The following MAD1L1 variants were observed in gnomAD, a reference collection of about 807,000 sequenced individuals.
The protein encoded by MAD1L1 is mitotic arrest deficient 1 like 1, also known as mitotic spindle assembly checkpoint protein MAD1.
MAD1L1 carries 95 observed loss-of-function variants against 96.9 expected under a neutral mutation model. The observed-to-expected ratio is 0.98, with a 90% CI of 0.83 to 1.16. The LOEUF (loss-of-function observed/expected upper bound fraction) is 1.16. Ranked by LOEUF, MAD1L1 falls within the 50% of genes most tolerant of loss-of-function variation. The pLI, the probability that MAD1L1 is intolerant of heterozygous loss-of-function variation, is 0.00. For synonymous variants in MAD1L1, 473 were observed against 396.6 expected, an observed-to-expected ratio of 1.19 and a Z score of -2.29; for missense variants, 1,007 against 954.4, an observed-to-expected ratio of 1.06 and a Z score of -0.73.
chr7:2,154,804 G>T (rs1789743973), intron 10 of MAD1L1, among the ~76,000 whole-genome samples: 1 of 152,130 alleles, frequency 6.6e-6, no homozygotes, highest in Non-Finnish European at 1.5e-5. Flanking sequence ...AGGCCACAAA[G>T]GAGGTCCCAT....
At chr7:2,182,490 G>GA (rs574735992) in intron 10 of MAD1L1, among the ~76,000 whole-genome samples, 7 of 150,280 alleles carry the variant, frequency 4.7e-5, no homozygotes, top group South Asian at 2.1e-4. Context: ...CAAGAGAAGT[G>GA]AAAAAAAAAG....
intron 18 of MAD1L1, among the ~76,000 whole-genome samples, chr7:1,894,671 C>G (rs374267668): frequency 1.5e-4 from 23 of 152,194 alleles, no homozygotes; most frequent in African/African-American, 4.8e-4. Flanking sequence ...CCAGATGGGG[C>G]GCAGGAAGGT....
At chr7:2,092,138 C>A (rs1339603571) in intron 11 of MAD1L1, among the ~76,000 whole-genome samples, 1 of 152,240 alleles carries the variant, frequency 6.6e-6, no homozygotes, top group Admixed American at 6.5e-5. Context: ...TCCACGTCTC[C>A]ACCAGCATTT....
At chr7:1,906,691 C>T (rs575162892) in intron 17 of MAD1L1, among the ~76,000 whole-genome samples, 4 of 152,226 alleles carry the variant, frequency 2.6e-5, no homozygotes, top group East Asian at 1.9e-4. Flanking sequence ...CAGGCCTGTG[C>T]GCACTGTCAC....
chr7:1,988,212 A>G (rs1166391950), intron 14 of MAD1L1, among the ~76,000 whole-genome samples: 3 of 152,310 alleles, frequency 2.0e-5, no homozygotes, highest in South Asian at 4.1e-4. Context: ...GCTTCCTGAC[A>G]TGGCGGAGGG....
chr7:1,837,983 G>A (rs776343713), intron 18 of MAD1L1, among the ~76,000 whole-genome samples: 28 of 152,226 alleles, frequency 1.8e-4, no homozygotes, highest in South Asian at 6.2e-4. Flanking sequence ...GGTGAAACAC[G>A]GCAGCGTGCT....
chr7:1,939,141 C>A (rs1386917491), intron 16 of MAD1L1, among the ~76,000 whole-genome samples: 2 of 135,704 alleles, frequency 1.5e-5, no homozygotes, highest in Non-Finnish European at 3.1e-5. Flanking sequence ...CGGGCCAGGG[C>A]CGGGACCAGA....
intron 17 of MAD1L1, among the ~76,000 whole-genome samples, chr7:1,910,273 G>A (rs140459156): frequency 6.6e-6 from 1 of 152,154 alleles, no homozygotes. Context: ...ATTGGCCCCC[G>A]TGTCAGTGAT....
chr7:1,826,331 A>T (rs1252505468), intron 18 of MAD1L1, among the ~76,000 whole-genome samples: 3 of 151,904 alleles, frequency 2.0e-5, no homozygotes, highest in Admixed American at 6.6e-5. Context: ...CTGGTGTATT[A>T]CCTCGGCCGA....
intron 17 of MAD1L1, among the ~76,000 whole-genome samples, chr7:1,918,837 G>C (rs563661495): frequency 6.6e-6 from 1 of 152,104 alleles, no homozygotes; most frequent in Non-Finnish European, 1.5e-5. Context: ...GCCCCAGGGC[G>C]ACTGGTGCTG....
intron 12 of MAD1L1, among the ~76,000 whole-genome samples, chr7:2,056,147 T>C (rs1020147361): frequency 6.6e-6 from 1 of 152,206 alleles, no homozygotes; most frequent in Non-Finnish European, 1.5e-5. Context: ...ATGATGACTG[T>C]CTGACACAAA....
At chr7:2,034,007 G>T (rs936527400) in intron 12 of MAD1L1, among the ~76,000 whole-genome samples, 3 of 152,178 alleles carry the variant, frequency 2.0e-5, no homozygotes, top group African/African-American at 7.2e-5. Flanking sequence ...CAGGCAGGAG[G>T]ATATATTGAG....
At chr7:2,135,503 C>A (rs1319901709) in intron 11 of MAD1L1, among the ~76,000 whole-genome samples, 1 of 151,982 alleles carries the variant, frequency 6.6e-6, no homozygotes, top group Non-Finnish European at 1.5e-5. Flanking sequence ...ATTTTAATTT[C>A]CAAAGATGGT....
rs142284828 is a variant in MAD1L1, at chr7:2,037,351, T to C, written c.1219-22709A>G. On this transcript the variant is annotated intron_variant, in intron 12 of 18. Coordinates refer to ENST00000265854, the MANE Select transcript of MAD1L1 (RefSeq NM_001013836.2). ...TGCTGGCCACAATAAGGAGCCAGCA[T>C]GGACCCAGGCACGCCTTGCTCTCCT... Among the ~76,000 whole-genome samples the C allele has an allele frequency of 1.1e-4, 17 of 152,308 alleles. 1 individual carries two copies. The highest frequency in any genetic ancestry group is 3.6e-4 in the African/African-American group (15 of 41,568).
chr7:2,197,934 C>G (rs1278525716), intron 10 of MAD1L1, among the ~76,000 whole-genome samples: 1 of 152,194 alleles, frequency 6.6e-6, no homozygotes, highest in Non-Finnish European at 1.5e-5. Context: ...CAGGCCCCAG[C>G]CTGTGACTGA....
At chr7:1,848,418 G>A (rs11766945) in intron 18 of MAD1L1, 37,806 of 153,140 alleles carry the variant, frequency 0.25, 4,707 homozygotes, top group South Asian at 0.35. Flanking sequence ...TGGAAATGCC[G>A]GGCCCTCATG....
At chr7:2,207,092 A>G (rs532252053) in intron 10 of MAD1L1, among the ~76,000 whole-genome samples, 101 of 152,180 alleles carry the variant, frequency 6.6e-4, no homozygotes, top group Admixed American at 2.5e-3. Context: ...AAAAAAAAAA[A>G]AAAGAAATTT....
At chr7:2,213,721 C>T (rs1008469193) in intron 9 of MAD1L1, among the ~76,000 whole-genome samples, 4 of 151,900 alleles carry the variant, frequency 2.6e-5, no homozygotes, top group Non-Finnish European at 4.4e-5. Context: ...TTCCTGCCAT[C>T]ACACAGCAGA....
intron 12 of MAD1L1, among the ~76,000 whole-genome samples, chr7:2,019,350 C>A (rs1007673053): frequency 6.6e-6 from 1 of 152,196 alleles, no homozygotes; most frequent in South Asian, 2.1e-4. Context: ...ATCCGTGGGG[C>A]CCATCGAGAA....
Sources: allele counts gnomAD v4.1 joint callset (sites outside exome capture counted in the v4.1 genomes callset), GRCh38; gene constraint gnomAD v4.1.1; transcripts MANE v1.5; gene names NCBI Gene and HGNC (gene_info 2026-07-23, HGNC 2026-07-21).